ANKS1B: variants seen among roughly 807,000 people sequenced by gnomAD.
ANKS1B encodes the protein ankyrin repeat and sterile alpha motif domain-containing protein 1B.
ANKS1B carries 36 observed loss-of-function variants against 148.3 expected under a neutral mutation model. That is an observed-to-expected ratio of 0.24 (90% CI 0.19 to 0.32). The LOEUF is 0.32. Ranked by LOEUF, ANKS1B falls within the 10% of genes least tolerant of loss-of-function variation. The probability of loss-of-function intolerance (pLI) is 1.00; values close to 1 mark genes in which losing one functional copy is unlikely to be tolerated. For missense variants in ANKS1B, 1,157 were observed against 1,542.6 expected, an observed-to-expected ratio of 0.75 and a Z score of 4.19; for synonymous variants, 542 against 560.8, an observed-to-expected ratio of 0.97 and a Z score of 0.47.
At chr12:99,497,530 A>G (rs1480572883) in intron 10 of ANKS1B, among the ~76,000 whole-genome samples, 5 of 152,076 alleles carry the variant, frequency 3.3e-5, no homozygotes, top group African/African-American at 1.2e-4. Flanking sequence ...TTGGTTTGCG[A>G]ATGGCTGCCT....
chr12:99,006,217 C>G (rs2099936071), intron 17 of ANKS1B, among the ~76,000 whole-genome samples: 2 of 152,196 alleles, frequency 1.3e-5, no homozygotes, highest in South Asian at 4.1e-4. Flanking sequence ...TGTAACTTAT[C>G]CTAAGGCTAT....
At chr12:99,128,416 C>T (rs1243189424) in intron 15 of ANKS1B, among the ~76,000 whole-genome samples, 5 of 152,146 alleles carry the variant, frequency 3.3e-5, no homozygotes, top group Non-Finnish European at 7.3e-5. Flanking sequence ...AATGAGTTGC[C>T]TGATTCTGAA....
At chr12:99,725,671 G>A (rs1422722702) in intron 8 of ANKS1B, among the ~76,000 whole-genome samples, 1 of 152,030 alleles carries the variant, frequency 6.6e-6, no homozygotes, top group Non-Finnish European at 1.5e-5. Flanking sequence ...GAGATCTACA[G>A]AACCCTCCAC....
intron 14 of ANKS1B, among the ~76,000 whole-genome samples, chr12:99,208,015 A>C (rs994542464): frequency 2.6e-5 from 4 of 152,130 alleles, no homozygotes; most frequent in African/African-American, 4.8e-5. Context: ...ATATAAAACT[A>C]GAATTTGATC....
intron 1 of ANKS1B, among the ~76,000 whole-genome samples, chr12:99,923,048 C>T (rs1473692387): frequency 7.9e-5 from 12 of 152,108 alleles, no homozygotes; most frequent in Non-Finnish European, 1.5e-5. Flanking sequence ...GAGCAAAGTG[C>T]ATTACAGGCA....
chr12:99,733,294 C>T (rs1358550792), intron 8 of ANKS1B, among the ~76,000 whole-genome samples: 1 of 152,198 alleles, frequency 6.6e-6, no homozygotes. Context: ...CAACCAGTGC[C>T]TCGTTAGGCT....
chr12:99,182,049 A>T (rs1379885082), intron 14 of ANKS1B, among the ~76,000 whole-genome samples: 1 of 152,142 alleles, frequency 6.6e-6, no homozygotes, highest in East Asian at 1.9e-4. Context: ...GTAATTTATA[A>T]ACAAAAGAGG....
Position 98,751,590 on chromosome 12 carries a change from G to T in ANKS1B, c.3580-68C>A. The T allele has an allele frequency of 6.8e-7, 1 of 1,473,618 alleles. No homozygotes were observed. Among genetic ancestry groups the T allele is most frequent in the Non-Finnish European group, 9.4e-7 (1 of 1,065,272 alleles). The allele number at this position is 1,473,618 out of a possible 1,614,324, so 91.3% of individuals were successfully genotyped here. A position where few individuals can be genotyped will look rare whatever the true frequency, so the allele number is the denominator to read the frequency against. Reference sequence around the variant, plus strand: ...AATTAGAATGGGTCGAATGGCTGAGGAACACTGAGGGAGGTGAACTAGGGA... The same window carrying T: ...AATTAGAATGGGTCGAATGGCTGAGTAACACTGAGGGAGGTGAACTAGGGA... On this transcript the variant is annotated intron_variant, in intron 25 of 26. Transcript: ENST00000683438. This position sits in a 1 kb window ranked among gnomAD's most constrained non-coding sequence, Gnocchi z 4.3.
At chr12:99,041,346 T>G (rs1181805917) in intron 17 of ANKS1B, among the ~76,000 whole-genome samples, 1 of 152,234 alleles carries the variant, frequency 6.6e-6, no homozygotes, top group Non-Finnish European at 1.5e-5. Flanking sequence ...AAAATGATTT[T>G]TCATTAGACA....
intron 17 of ANKS1B, among the ~76,000 whole-genome samples, chr12:98,961,830 G>A (rs1195130278): frequency 6.6e-6 from 1 of 151,976 alleles, no homozygotes; most frequent in Non-Finnish European, 1.5e-5. Context: ...GTATTAAGTT[G>A]TCATCCATTT....
intron 1 of ANKS1B, among the ~76,000 whole-genome samples, chr12:99,977,146 T>C (rs10860547): frequency 0.17 from 26,531 of 152,078 alleles, 2,822 homozygotes; most frequent in Non-Finnish European, 0.23. Flanking sequence ...CTCACCTGTT[T>C]GTTTTGTTTT....
At position 99,749,738 on chromosome 12, in the gene ANKS1B, A is replaced by T. The variant is rs372054069; in HGVS notation, c.1128+23184T>A. Among the ~76,000 whole-genome samples, 6 of 152,156 alleles carry T rather than the reference A, an allele frequency of 3.9e-5. No individual in the cohort carries two copies. The East Asian group carries it at 1.2e-3, about 29-fold the overall frequency. ...AAATCTAATTTTCCTTAAGGGAGTC[A>T]ATATAAACAAAAGAAGGTCCAGGGC... On this transcript the variant is annotated intron_variant, in intron 8 of 26. Coordinates refer to ENST00000683438, the MANE Select transcript of ANKS1B (RefSeq NM_001352186.2).
At chr12:98,946,774 GAAAAAAGC>G (rs1392796851) in intron 17 of ANKS1B, among the ~76,000 whole-genome samples, 3 of 150,988 alleles carry the variant, frequency 2.0e-5, no homozygotes, top group Non-Finnish European at 4.4e-5. Context: ...TATCTCTACT[GAAAAAAGC>G]AAAAAAGAAA....
intron 8 of ANKS1B, among the ~76,000 whole-genome samples, chr12:99,677,183 A>T (rs1291726271): frequency 6.6e-6 from 1 of 152,192 alleles, no homozygotes; most frequent in African/African-American, 2.4e-5. Context: ...TACATCTTTC[A>T]TAGCCTAGAC....
intron 17 of ANKS1B, among the ~76,000 whole-genome samples, chr12:98,853,575 GCTT>G (rs898132468): frequency 2.6e-5 from 4 of 152,180 alleles, no homozygotes; most frequent in African/African-American, 9.7e-5. Flanking sequence ...TAAATGGCTG[GCTT>G]CTTCTTCCCA....
At chr12:99,615,423 T>A (rs1031603413) in intron 9 of ANKS1B, among the ~76,000 whole-genome samples, 4 of 152,286 alleles carry the variant, frequency 2.6e-5, no homozygotes, top group Non-Finnish European at 5.9e-5. Flanking sequence ...TCTTCCAAAG[T>A]ACTGAAATTT....
intron 17 of ANKS1B, among the ~76,000 whole-genome samples, chr12:99,021,525 A>C (rs749422348): frequency 6.6e-6 from 1 of 152,144 alleles, no homozygotes; most frequent in Non-Finnish European, 1.5e-5. Flanking sequence ...CTTTCAAAAG[A>C]AAGACAAATG....
At chr12:99,400,095 T>C (rs1225384851) in intron 11 of ANKS1B, among the ~76,000 whole-genome samples, 2 of 152,028 alleles carry the variant, frequency 1.3e-5, no homozygotes, top group African/African-American at 2.4e-5. Context: ...AAAATTTCTC[T>C]TGGTAATCAA....
At chr12:99,050,449 C>T (rs2099965227) in intron 17 of ANKS1B, among the ~76,000 whole-genome samples, 1 of 151,834 alleles carries the variant, frequency 6.6e-6, no homozygotes, top group Non-Finnish European at 1.5e-5. Flanking sequence ...GTGAACTTGC[C>T]CATAAAGTTG....
Sources: allele counts gnomAD v4.1 joint callset (sites outside exome capture counted in the v4.1 genomes callset), GRCh38; gene constraint gnomAD v4.1.1; non-coding constraint Gnocchi (gnomAD v3.1); transcripts MANE v1.5; gene names NCBI Gene and HGNC (gene_info 2026-07-23, HGNC 2026-07-21).